VIPAS39: variants seen among roughly 807,000 people sequenced by gnomAD.
VIPAS39 encodes the protein spermatogenesis-defective protein 39 homolog.
VIPAS39 carries 63 observed loss-of-function variants against 84.7 expected under a neutral mutation model. That is an observed-to-expected ratio of 0.74 (90% CI 0.61 to 0.92). VIPAS39 has a LOEUF of 0.92. Ranked by LOEUF, VIPAS39 falls within the 40% of genes least tolerant of loss-of-function variation. The probability of loss-of-function intolerance (pLI) is 0.00; values close to 1 mark genes in which losing one functional copy is unlikely to be tolerated. For synonymous variants in VIPAS39, 192 were observed against 216.5 expected, an observed-to-expected ratio of 0.89 and a Z score of 0.99; for missense variants, 499 against 604.5, an observed-to-expected ratio of 0.83 and a Z score of 1.83.
At chr14:77,436,020 C>T (rs2078606117) in intron 12 of VIPAS39, 101 bp from the exon 13 acceptor site, 1 of 1,139,154 alleles carries the variant, frequency 8.8e-7, no homozygotes, top group Admixed American at 1.7e-5. Context: ...CTCACGGTGC[C>T]TCACAAGTCT....
chr14:77,442,286 T>C (rs2078715081), intron 10 of VIPAS39, among the ~76,000 whole-genome samples: 2 of 152,092 alleles, frequency 1.3e-5, no homozygotes, highest in African/African-American at 2.4e-5. Flanking sequence ...ATGAAGAGGG[T>C]TGATAACTTG....
At chr14:77,431,594 T>C (rs772434791) in intron 16 of VIPAS39, among the ~76,000 whole-genome samples, 5 of 152,024 alleles carry the variant, frequency 3.3e-5, no homozygotes, top group Non-Finnish European at 7.4e-5. Context: ...GTGTAGCCAA[T>C]GTGGAAAACA....
At chr14:77,435,817 A>C (rs1566725757) in intron 13 of VIPAS39, 27 bp downstream of exon 13, 5 of 1,612,866 alleles carry the variant, frequency 3.1e-6, no homozygotes, top group Admixed American at 1.7e-5. Context: ...GCACTGAAGC[A>C]AAAGATATAG....
chr14:77,439,326 G>A (rs149757986), intron 11 of VIPAS39, among the ~76,000 whole-genome samples: 263 of 152,228 alleles, frequency 1.7e-3, no homozygotes, highest in African/African-American at 6.0e-3. Flanking sequence ...TAAGAATGCT[G>A]TAAGAAGAAA....
At chr14:77,454,129 C>T (rs773415797) in intron 1 of VIPAS39, 27 bp from the exon 2 acceptor site, 30 of 1,607,032 alleles carry the variant, frequency 1.9e-5, no homozygotes, top group Non-Finnish European at 2.5e-5. Context: ...ACATACATTG[C>T]CCCTTTCTGG....
chr14:77,427,476 T>G lies in VIPAS39; in HGVS notation c.*140A>C. 3 of 953,612 alleles carry G rather than the reference T, an allele frequency of 3.1e-6. No individual in the cohort carries two copies. The highest frequency in any genetic ancestry group is 2.7e-5 in the South Asian group (2 of 73,796). The allele number at this position is 953,612 out of a possible 1,614,324, so 59.1% of individuals were successfully genotyped here. ...GACAGAAGATCAGTCTGAAGTTATC[T>G]GTGTCAAGAGTAGCTGGCACTGCCC... On this transcript the variant is annotated 3_prime_UTR_variant, in exon 20 of 20. Transcript: ENST00000557658.
At chr14:77,453,632 T>A in intron 2 of VIPAS39, among the ~76,000 whole-genome samples, 1 of 152,188 alleles carries the variant, frequency 6.6e-6, no homozygotes, top group East Asian at 1.9e-4. Flanking sequence ...TGAATTCTCA[T>A]CATATTCCTG....
chr14:77,449,036 C>G (rs1315738094), intron 6 of VIPAS39, among the ~76,000 whole-genome samples: 7 of 152,144 alleles, frequency 4.6e-5, no homozygotes, highest in African/African-American at 7.2e-5. Context: ...CAAAGTACAG[C>G]CTTCAAGTGG....
chr14:77,450,721 C>A (rs543284608), intron 4 of VIPAS39, among the ~76,000 whole-genome samples: 19 of 152,296 alleles, frequency 1.2e-4, no homozygotes, highest in African/African-American at 4.6e-4. Flanking sequence ...TATTGGTAGG[C>A]TGGTCTAGAA....
chr14:77,427,285 C>G lies in VIPAS39; in HGVS notation c.*331G>C. The G allele has an allele frequency of 2.5e-6, 1 of 398,234 alleles. No homozygotes were observed. Among genetic ancestry groups the G allele is most frequent in the African/African-American group, 2.0e-5 (1 of 49,468 alleles). The allele number at this position is 398,234 out of a possible 1,614,324, so 24.7% of individuals were successfully genotyped here. On this transcript the variant is annotated 3_prime_UTR_variant, in exon 20 of 20. Transcript: ENST00000557658. ...AATGCAGTAGCCACCCTATGACTCC[C>G]ATACCTCTTCCTTTCTGGAGCAGTC...
intron 11 of VIPAS39, chr14:77,440,227 ATGAATTGCTGAAGTTTTAATAATACAAC>A: frequency 6.9e-6 from 1 of 144,840 alleles, no homozygotes; most frequent in East Asian, 2.0e-4. Flanking sequence ...TTTTTTTAAC[ATGAATTGCTGAAGTTTTAATAATACAAC>A]TGAGTTTTTG....
chr14:77,428,960 C>A, intron 18 of VIPAS39, 46 bp downstream of exon 18: 2 of 1,527,670 alleles, frequency 1.3e-6, no homozygotes, highest in Non-Finnish European at 1.8e-6. Flanking sequence ...CACCCTGCTT[C>A]GCCACTGAGG....
intron 1 of VIPAS39, 38 bp downstream of exon 1, chr14:77,457,457 G>T: frequency 6.7e-7 from 1 of 1,490,094 alleles, no homozygotes; most frequent in Non-Finnish European, 9.0e-7. Context: ...GCTGGATCCA[G>T]CCAGATACGC....
chr14:77,445,210 CA>C (rs1177638449), intron 7 of VIPAS39, among the ~76,000 whole-genome samples: 2 of 152,192 alleles, frequency 1.3e-5, no homozygotes, highest in African/African-American at 2.4e-5. Flanking sequence ...CCACCTGCCT[CA>C]GCCTCCCAAG....
chr14:77,432,683 T>C (rs530842751), intron 16 of VIPAS39, among the ~76,000 whole-genome samples: 35 of 152,154 alleles, frequency 2.3e-4, no homozygotes, highest in African/African-American at 8.4e-4. Flanking sequence ...GAAAATAACC[T>C]CATGATCTCA....
intron 16 of VIPAS39, 142 bp from the exon 17 acceptor site, chr14:77,429,909 T>G: frequency 7.7e-6 from 6 of 781,528 alleles, no homozygotes; most frequent in Non-Finnish European, 1.4e-5. Flanking sequence ...GAGAAATGAA[T>G]TTTTCAGAAA....
intron 6 of VIPAS39, 90 bp from the exon 7 acceptor site, chr14:77,448,640 T>C (rs1449047952): frequency 7.5e-7 from 1 of 1,332,312 alleles, no homozygotes; most frequent in Non-Finnish European, 1.1e-6. Context: ...AGTCTTAGTG[T>C]CTAAGGGGGA....
intron 17 of VIPAS39, 23 bp from the exon 18 acceptor site, chr14:77,429,118 T>A (rs371612067): frequency 3.7e-6 from 6 of 1,602,816 alleles, no homozygotes; most frequent in Middle Eastern, 1.7e-4. Context: ...GTACTTCCGA[T>A]TAATGATTCA....
In VIPAS39 at chr14:77,444,232, C is replaced by A; in HGVS notation, c.597+17G>T. The stretch of plus-strand genomic sequence containing the variant: ...AAAACAATAATTAAACAAACAACAA[C>A]AAATCCGACAACTCACTGCAGTAAT... On this transcript the variant is annotated intron_variant, in intron 8 of 19. Transcript: ENST00000557658. The A allele has an allele frequency of 6.2e-7, 1 of 1,609,976 alleles. No individual in the cohort carries two copies. The highest frequency in any genetic ancestry group is 8.5e-7 in the Non-Finnish European group (1 of 1,176,696).
Sources: allele counts gnomAD v4.1 joint callset (sites outside exome capture counted in the v4.1 genomes callset), GRCh38; gene constraint gnomAD v4.1.1; transcripts MANE v1.5; gene names NCBI Gene and HGNC (gene_info 2026-07-23, HGNC 2026-07-21).